GALNT13: variants seen among roughly 807,000 people sequenced by gnomAD.
GALNT13 encodes UDP-GalNAc:polypeptide N-acetylgalactosaminyltransferase 13.
Under a neutral mutation model 64.2 loss-of-function variants are expected in GALNT13, and 28 were observed. The ratio of observed to expected loss-of-function variants is 0.44; its 90% confidence interval spans 0.32 to 0.60. The LOEUF (loss-of-function observed/expected upper bound fraction) is 0.60, where lower values mean the gene tolerates loss of function less well. Ranked by LOEUF, GALNT13 falls within the 20% of genes least tolerant of loss-of-function variation. GALNT13 has a pLI of 0.05. For synonymous variants in GALNT13, 214 were observed against 224.6 expected (o/e 0.95, Z 0.42); for missense variants, 577 against 669.8 (o/e 0.86, Z 1.53).
At chr2:153,846,808 A>G in the GALNT13 span, among the ~76,000 whole-genome samples, 1 of 152,150 alleles carries the variant, frequency 6.6e-6, no homozygotes, top group African/African-American at 2.4e-5. Flanking sequence ...AAGGAAGACA[A>G]TTGCATCTGC....
chr2:154,017,154 C>G (rs12623258), intron 3 of GALNT13, among the ~76,000 whole-genome samples: 18,294 of 152,110 alleles, frequency 0.12, 1,881 homozygotes, highest in African/African-American at 0.28. Context: ...ATGAGAAATG[C>G]AGACTTCATT....
chr2:153,500,503 C>T, the GALNT13 span, among the ~76,000 whole-genome samples: 1 of 152,186 alleles, frequency 6.6e-6, no homozygotes, highest in Non-Finnish European at 1.5e-5. Flanking sequence ...AACCCCATCA[C>T]CTGGCAGCGT....
intron 11 of GALNT13, among the ~76,000 whole-genome samples, chr2:154,433,869 T>C (rs1418762276): frequency 6.6e-6 from 1 of 152,216 alleles, no homozygotes; most frequent in African/African-American, 2.4e-5. Flanking sequence ...TGTGCTCTTC[T>C]AGAAATTCAT....
At chr2:154,313,712 C>T (rs1043415194) in intron 9 of GALNT13, among the ~76,000 whole-genome samples, 1 of 152,028 alleles carries the variant, frequency 6.6e-6, no homozygotes, top group African/African-American at 2.4e-5. Flanking sequence ...CTTGGCCTCC[C>T]AAAGTGCTGG....
At chr2:154,306,949 A>G (rs547282065) in intron 9 of GALNT13, among the ~76,000 whole-genome samples, 1 of 151,628 alleles carries the variant, frequency 6.6e-6, no homozygotes, top group East Asian at 1.9e-4. Flanking sequence ...AAGGCAGACT[A>G]GTCCCTAGGC....
chr2:153,188,158 T>G, the GALNT13 span, among the ~76,000 whole-genome samples: 1 of 152,044 alleles, frequency 6.6e-6, no homozygotes, highest in Non-Finnish European at 1.5e-5. Flanking sequence ...ATGGTTTTCC[T>G]GTTCTGAACT....
chr2:153,228,890 A>G, the GALNT13 span, among the ~76,000 whole-genome samples: 2 of 151,806 alleles, frequency 1.3e-5, 1 homozygote, highest in Middle Eastern at 6.8e-3. Flanking sequence ...AAAAAAAAAA[A>G]AAAAGTAGAT....
chr2:154,405,008 C>T (rs1232303015), intron 10 of GALNT13, among the ~76,000 whole-genome samples: 3 of 151,940 alleles, frequency 2.0e-5, no homozygotes, highest in African/African-American at 4.8e-5. Flanking sequence ...ACTAGAAAAG[C>T]ATGACTGATG....
chr2:154,173,231 AAC>A (rs1223675423), intron 4 of GALNT13, among the ~76,000 whole-genome samples: 1 of 151,964 alleles, frequency 6.6e-6, no homozygotes, highest in South Asian at 2.1e-4. Flanking sequence ...CTGGGGAATG[AAC>A]AGTCTCTTTG....
At chr2:153,396,768 T>C in the GALNT13 span, among the ~76,000 whole-genome samples, 1 of 152,092 alleles carries the variant, frequency 6.6e-6, no homozygotes, top group Non-Finnish European at 1.5e-5. Flanking sequence ...TCACAGAAAG[T>C]CTGGATGATG....
chr2:153,606,147 T>C, the GALNT13 span, among the ~76,000 whole-genome samples: 8 of 152,254 alleles, frequency 5.3e-5, no homozygotes, highest in East Asian at 1.5e-3. Flanking sequence ...AACAAACATA[T>C]GTCATCATCA....
rs1468445218 is a variant in GALNT13 at position 154,238,969 on chromosome 2, T to G, written c.312-3061T>G. ...TATTCATCCCCCATAACTGAACCAT[T>G]TTACCCTTTGATGAATGACTGTTTA... On this transcript the variant is annotated intron_variant, in intron 4 of 12. Coordinates refer to ENST00000392825, the MANE Select transcript of GALNT13 (RefSeq NM_052917.4). Among the ~76,000 whole-genome samples the G allele has an allele frequency of 3.3e-5, 5 of 152,166 alleles. No individual in the cohort carries two copies. In the East Asian group the frequency reaches 9.6e-4, roughly 29 times the overall value.
At chr2:153,239,296 C>A in the GALNT13 span, among the ~76,000 whole-genome samples, 1 of 152,146 alleles carries the variant, frequency 6.6e-6, no homozygotes, top group African/African-American at 2.4e-5. Context: ...AATAATTTGC[C>A]ATCTTCCTTT....
chr2:154,317,317 AT>A (rs1694375269), intron 9 of GALNT13, among the ~76,000 whole-genome samples: 1 of 152,152 alleles, frequency 6.6e-6, no homozygotes, highest in Non-Finnish European at 1.5e-5. Context: ...AATAGATACA[AT>A]TTTAAATTCT....
the GALNT13 span, among the ~76,000 whole-genome samples, chr2:153,743,102 G>T: frequency 4.6e-3 from 599 of 130,644 alleles, 10 homozygotes; most frequent in African/African-American, 0.016. Flanking sequence ...AGAGGGGAGG[G>T]GGAGGGGTAG....
At position 154,438,688 on chromosome 2, in the gene GALNT13, C is replaced by A. The variant is rs773135745; in HGVS notation, c.1492C>A (p.His498Asn). Residue 498 changes from histidine to asparagine, a missense_variant, in exon 12 of 13, where the codon CAT becomes AAT. Physicochemically the swap from His to Asn is moderately conservative, Grantham distance 68. Coordinates refer to ENST00000392825, the MANE Select transcript of GALNT13 (RefSeq NM_052917.4). ...ACCTGTAATCATGTTAAAATGCCAC[C>A]ATATGAGAGGAAATCAGTTATGGGA... ...NGPVIMLKCH[H>N]MRGNQLWEYD... The A allele has an allele frequency of 3.4e-5, 54 of 1,610,704 alleles. No homozygotes were observed. Among genetic ancestry groups the A allele is most frequent in the Admixed American group, 2.7e-4 (16 of 59,968 alleles).
At chr2:153,288,826 A>G in the GALNT13 span, among the ~76,000 whole-genome samples, 2 of 152,228 alleles carry the variant, frequency 1.3e-5, no homozygotes, top group Admixed American at 6.5e-5. Flanking sequence ...AGGCATTCAT[A>G]AGGGATCTTG....
At chr2:154,107,773 AT>A (rs1262708195) in intron 3 of GALNT13, among the ~76,000 whole-genome samples, 1 of 150,670 alleles carries the variant, frequency 6.6e-6, no homozygotes, top group East Asian at 1.9e-4. Context: ...CCACGCTCCA[AT>A]TTTTTTTTCC....
At chr2:153,753,407 TTGAAA>T in the GALNT13 span, among the ~76,000 whole-genome samples, 7 of 152,132 alleles carry the variant, frequency 4.6e-5, no homozygotes, top group South Asian at 1.4e-3. Flanking sequence ...TTCCAGATAT[TTGAAA>T]TGACTTGAGT....
Sources: allele counts gnomAD v4.1 joint callset (sites outside exome capture counted in the v4.1 genomes callset), GRCh38; gene constraint gnomAD v4.1.1; transcripts MANE v1.5; gene names NCBI Gene and HGNC (gene_info 2026-07-23, HGNC 2026-07-21).